PADI1: variants seen among roughly 807,000 people sequenced by gnomAD.
PADI1 encodes the protein protein-arginine deiminase type-1.
In PADI1, 65 loss-of-function variants were observed where a neutral mutation model predicts 74.8. The observed-to-expected ratio is 0.87, with a 90% CI of 0.71 to 1.07. The LOEUF (loss-of-function observed/expected upper bound fraction) is 1.07. PADI1 is among the 50% of genes least tolerant of loss of function. The probability of loss-of-function intolerance (pLI) is 0.00; values close to 1 mark genes in which losing one functional copy is unlikely to be tolerated. For synonymous variants in PADI1, 371 were observed against 336.2 expected (o/e 1.10, Z -1.13); for missense variants, 943 against 854.0 (o/e 1.10, Z -1.30).
chr1:17,235,925 T>G (rs904976615), intron 11 of PADI1, among the ~76,000 whole-genome samples: 1 of 152,154 alleles, frequency 6.6e-6, no homozygotes, highest in Non-Finnish European at 1.5e-5. Flanking sequence ...GTGAGGGGTC[T>G]CCTGTGTGGA....
Position 17,222,184 on chromosome 1 carries a change from G to T in PADI1, c.93-106G>T, listed in dbSNP as rs1460364585. 3 of 741,592 alleles carry T rather than the reference G, an allele frequency of 4.0e-6. No individual in the cohort carries two copies. In the African/African-American group the frequency reaches 5.3e-5, roughly 13 times the overall value. The allele number at this position is 741,592 out of a possible 1,614,324, so 45.9% of individuals were successfully genotyped here. On this transcript the variant is annotated intron_variant, in intron 1 of 15. Transcript: ENST00000375471. ...GCCTCCCCAGCCTGACTGTTGAGGG[G>T]TGCCATTTGAACGGCCTGGCAGCCC... is the stretch of plus-strand genomic sequence containing the variant.
chr1:17,210,060 G>A (rs747110552), intron 1 of PADI1, among the ~76,000 whole-genome samples: 7 of 152,006 alleles, frequency 4.6e-5, no homozygotes, highest in Admixed American at 1.3e-4. Flanking sequence ...GGCTGGTCTC[G>A]AACTCCTGAC....
chr1:17,229,131 T>C (rs1239136665), intron 8 of PADI1, 80 bp downstream of exon 8: 2 of 839,578 alleles, frequency 2.4e-6, no homozygotes, highest in African/African-American at 1.7e-5. Context: ...GCTGCGCCCC[T>C]CACTCACACC....
intron 11 of PADI1, 90 bp from the exon 12 acceptor site, chr1:17,237,224 G>A: frequency 2.8e-6 from 4 of 1,418,008 alleles, no homozygotes; most frequent in Non-Finnish European, 3.8e-6. Flanking sequence ...GAGCAATTCC[G>A]CCCCCTGGTG....
At chr1:17,222,826 C>A (rs1162881778) in intron 2 of PADI1, among the ~76,000 whole-genome samples, 1 of 152,180 alleles carries the variant, frequency 6.6e-6, no homozygotes, top group Non-Finnish European at 1.5e-5. Flanking sequence ...CGCACAACAA[C>A]AACCCGTGCA....
chr1:17,237,653 C>T (rs1367285375), intron 12 of PADI1, among the ~76,000 whole-genome samples, 195 bp downstream of exon 12: 1 of 152,164 alleles, frequency 6.6e-6, no homozygotes, highest in African/African-American at 2.4e-5. Context: ...ACCCAAATCC[C>T]TTATCCAATA....
intron 1 of PADI1, among the ~76,000 whole-genome samples, chr1:17,213,286 A>G (rs1286510018): frequency 6.8e-6 from 1 of 148,078 alleles, no homozygotes; most frequent in East Asian, 2.0e-4. Flanking sequence ...TTGCCCTCCT[A>G]TGCAAGTAAC....
chr1:17,230,642 A>C lies in PADI1; in HGVS notation c.1124A>C (p.Asn375Thr), dbSNP rs755146304. The C allele has an allele frequency of 6.2e-7, 1 of 1,611,780 alleles. No homozygotes were observed. The highest frequency in any genetic ancestry group is 8.5e-7 in the Non-Finnish European group (1 of 1,178,350). ...CCCGTGGTCTTTGACTCCCCCAGGA[A>C]CAGGGGCCTGAAAGATTTCCCCTAT... ...SFPVVFDSPR[N>T]RGLKDFPYKR... The change falls in exon 10 of 16, where the codon AAC becomes ACC. Residue 375 changes from asparagine (N) to threonine (T), a missense_variant. By Grantham distance (65) the Asn-to-Thr change is moderately conservative (BLOSUM62 0). Coordinates refer to ENST00000375471, the MANE Select transcript of PADI1 (RefSeq NM_013358.3).
chr1:17,219,608 C>A (rs114293868), intron 1 of PADI1, among the ~76,000 whole-genome samples: 1 of 151,998 alleles, frequency 6.6e-6, no homozygotes, highest in East Asian at 1.9e-4. Context: ...AAACTGGTGA[C>A]GGCAGCCGGC....
intron 1 of PADI1, among the ~76,000 whole-genome samples, chr1:17,217,016 G>A (rs1235305338): frequency 7.1e-6 from 1 of 141,248 alleles, no homozygotes; most frequent in Non-Finnish European, 1.6e-5. Flanking sequence ...AGGAGGAGAG[G>A]AGAGGGGAGG....
At chr1:17,220,753 C>T (rs138852492) in intron 1 of PADI1, among the ~76,000 whole-genome samples, 55 of 152,368 alleles carry the variant, frequency 3.6e-4, no homozygotes, top group African/African-American at 9.9e-4. Context: ...GTGAGCGCCA[C>T]AGGCTCAAGA....
chr1:17,225,224 G>A (rs2072274365), intron 4 of PADI1, among the ~76,000 whole-genome samples: 1 of 152,230 alleles, frequency 6.6e-6, no homozygotes, highest in African/African-American at 2.4e-5. Context: ...GCACCCTTCT[G>A]TGAAATGGGG....
intron 1 of PADI1, among the ~76,000 whole-genome samples, chr1:17,208,772 T>G: frequency 6.6e-6 from 1 of 152,210 alleles, no homozygotes; most frequent in East Asian, 1.9e-4. Context: ...CTCATGCCAA[T>G]AAAGACAGGG....
In PADI1 at chr1:17,207,532, GGTAGCTCT is replaced by G. The variant is rs201587343; in HGVS notation, c.92+2226_92+2233del. Among the ~76,000 whole-genome samples, 20 of 152,346 alleles carry G rather than the reference GGTAGCTCT, an allele frequency of 1.3e-4. 1 individual carries two copies. The East Asian group carries it at 3.3e-3, about 25-fold the overall frequency. Reference sequence around the variant, plus strand: ...GTGCCCTGGCAGTGCGCACAGCTCTGGTAGCTCTGTGAGTCCCCTTTTCTCCAGCATCT... The same window carrying G: ...GTGCCCTGGCAGTGCGCACAGCTCTGGTGAGTCCCCTTTTCTCCAGCATCT... On this transcript the variant is annotated intron_variant, in intron 1 of 15. Coordinates refer to ENST00000375471, the MANE Select transcript of PADI1 (RefSeq NM_013358.3).
intron 15 of PADI1, among the ~76,000 whole-genome samples, chr1:17,242,757 G>A (rs986684117): frequency 9.8e-5 from 15 of 152,314 alleles, no homozygotes; most frequent in African/African-American, 2.9e-4. Context: ...AGCGAGTGGC[G>A]GAGTTGGGAC....
intron 13 of PADI1, 126 bp downstream of exon 13, chr1:17,238,835 G>A: frequency 2.2e-6 from 1 of 453,738 alleles, no homozygotes; most frequent in East Asian, 3.5e-5. Flanking sequence ...TCTGTTTCTT[G>A]GGTCCCCAGG....
At position 17,237,394 on chromosome 1, in the gene PADI1, C is replaced by T. The variant is rs745438147; in HGVS notation, c.1394C>T (p.Ser465Leu). 15 of 1,613,692 alleles carry T rather than the reference C, an allele frequency of 9.3e-6. No individual in the cohort carries two copies. The African/African-American group carries it at 1.2e-4, about 13-fold the overall frequency. Reference protein sequence around the residue: ...QQVQAPVELYSDWLSVGHVDE... With the variant: ...QQVQAPVELYLDWLSVGHVDE... ...GTGCAGGCACCCGTGGAGCTCTACT[C>T]GGACTGGCTCTCTGTGGGCCATGTG... is the stretch of plus-strand genomic sequence containing the variant. Residue 465 changes from serine to leucine, a missense_variant, in exon 12 of 16, where the codon TCG becomes TTG. By Grantham distance (145) the Ser-to-Leu change is moderately radical. Transcript: ENST00000375471.
chr1:17,216,832 T>G (rs2071990768), intron 1 of PADI1, among the ~76,000 whole-genome samples: 1 of 152,068 alleles, frequency 6.6e-6, no homozygotes, highest in African/African-American at 2.4e-5. Context: ...ATCATGCCTT[T>G]GCACTCCAGC....
chr1:17,245,866 G>T lies in PADI1; in HGVS notation c.*1623G>T, dbSNP rs1036564694. 10 of 152,358 alleles carry T rather than the reference G, an allele frequency of 6.6e-5. No individual in the cohort carries two copies. Among genetic ancestry groups the T allele is most frequent in the African/African-American group, 2.4e-4 (10 of 41,436 alleles). The allele number at this position is 152,358 out of a possible 1,614,324, so 9.4% of individuals were successfully genotyped here. A position where few individuals can be genotyped will look rare whatever the true frequency, so the allele number is the denominator to read the frequency against. On this transcript the variant is annotated 3_prime_UTR_variant, in exon 16 of 16. Transcript: ENST00000375471. The surrounding 1 kb of genome is among the most constrained non-coding windows in gnomAD (Gnocchi z 4.1). ...AGTGAGCATTGCAGAGATAGGGCTGGGGGTCGGGGCCACACTGAGTGTGGG... is the reference window on the plus strand; with the variant it reads ...AGTGAGCATTGCAGAGATAGGGCTGTGGGTCGGGGCCACACTGAGTGTGGG...
Sources: gnomAD v4.1 joint callset for allele counts (sites outside exome capture counted in the v4.1 genomes callset) on GRCh38, gnomAD v4.1.1 for gene constraint, Gnocchi (gnomAD v3.1) non-coding constraint, MANE v1.5 for transcripts, NCBI Gene and HGNC (gene_info 2026-07-23, HGNC 2026-07-21) for gene names.